PPP2R2B: variants seen among roughly 807,000 people sequenced by gnomAD.
PPP2R2B encodes protein phosphatase 2 regulatory subunit Bbeta, also known as serine/threonine-protein phosphatase 2A 55 kDa regulatory subunit B beta isoform.
PPP2R2B carries 5 observed loss-of-function variants against 46.0 expected under a neutral mutation model. The observed-to-expected ratio is 0.11, with a 90% CI of 0.06 to 0.23. The LOEUF (loss-of-function observed/expected upper bound fraction) is 0.23, where lower values mean the gene tolerates loss of function less well. Among genes scored for constraint, PPP2R2B ranks in the 10% least tolerant of loss-of-function variants. The pLI is 1.00. For missense variants in PPP2R2B, 367 were observed against 575.0 expected, an observed-to-expected ratio of 0.64 and a Z score of 3.70; for synonymous variants, 215 against 206.7, an observed-to-expected ratio of 1.04 and a Z score of -0.34.
chr5:147,052,768 A>T (rs939794289), intron 1 of PPP2R2B, among the ~76,000 whole-genome samples: 1 of 152,100 alleles, frequency 6.6e-6, no homozygotes, highest in Non-Finnish European at 1.5e-5. Context: ...GAGGTTTTAA[A>T]TGTGAGTGTT....
intron 2 of PPP2R2B, among the ~76,000 whole-genome samples, chr5:146,776,592 A>C (rs1258845657): frequency 1.3e-5 from 2 of 152,140 alleles, no homozygotes; most frequent in Non-Finnish European, 2.9e-5. Context: ...CAGACTTGGC[A>C]ATAGTTTTAA....
In PPP2R2B at chr5:146,956,232, T is replaced by C. The variant is rs576026983; in HGVS notation, c.79+99433A>G. ...CAATTTTCTCCCATCAAATTTCCATTCAATTTTTTTCATATTAATTATTAC... is the reference window on the plus strand; with the variant it reads ...CAATTTTCTCCCATCAAATTTCCATCCAATTTTTTTCATATTAATTATTAC... On this transcript the variant is annotated intron_variant, in intron 1 of 8. Transcript: ENST00000336640. Among the ~76,000 whole-genome samples, 287 of 100,530 alleles carry C rather than the reference T, an allele frequency of 2.9e-3. 1 individual carries two copies. Among genetic ancestry groups the C allele is most frequent in the Non-Finnish European group, 2.0e-3 (76 of 38,672 alleles). The allele number at this position is 100,530 out of a possible 152,430, so 66.0% of individuals were successfully genotyped here.
chr5:146,798,704 A>G (rs1756686223), intron 2 of PPP2R2B, among the ~76,000 whole-genome samples: 1 of 152,254 alleles, frequency 6.6e-6, no homozygotes, highest in Non-Finnish European at 1.5e-5. Context: ...CTCTAGGCAC[A>G]TAGCGAGATG....
rs536765236 is a variant in PPP2R2B, at chr5:146,684,634, A to G, written c.447+6494T>C. ...TTGGGAGCATCAAATGAGATGCCCA[A>G]CATGAAAGCCCATCTACCCTCCAGA... On this transcript the variant is annotated intron_variant, in intron 5 of 9. Coordinates refer to ENST00000394411, the MANE Select transcript of PPP2R2B (RefSeq NM_181675.4). Among the ~76,000 whole-genome samples the G allele has an allele frequency of 5.9e-5, 9 of 152,334 alleles. No homozygotes were observed. In the East Asian group the frequency reaches 1.5e-3, roughly 26 times the overall value.
At chr5:146,799,534 T>C (rs1488564386) in intron 2 of PPP2R2B, among the ~76,000 whole-genome samples, 1 of 152,146 alleles carries the variant, frequency 6.6e-6, no homozygotes, top group East Asian at 1.9e-4. Context: ...ATGGTGCCAA[T>C]CTAGCCTGAG....
At chr5:146,664,517 G>GT (rs577235555) in intron 5 of PPP2R2B, among the ~76,000 whole-genome samples, 3,973 of 144,570 alleles carry the variant, frequency 0.027, 103 homozygotes, top group African/African-American at 0.062. Context: ...TTTAGTTCTA[G>GT]TTTTTTTTTT....
chr5:146,674,624 T>C (rs1016691648), intron 5 of PPP2R2B, among the ~76,000 whole-genome samples: 3 of 152,208 alleles, frequency 2.0e-5, no homozygotes, highest in African/African-American at 4.8e-5. Context: ...ATTTTGAGAA[T>C]ATGCTTCCCT....
intron 5 of PPP2R2B, among the ~76,000 whole-genome samples, chr5:146,652,435 C>T (rs1285691282): frequency 6.6e-6 from 1 of 152,112 alleles, no homozygotes; most frequent in Non-Finnish European, 1.5e-5. Context: ...GCATCATATA[C>T]CTGTTCTTGT....
intron 5 of PPP2R2B, chr5:146,656,479 G>A (rs1040612968): frequency 5.3e-5 from 8 of 152,050 alleles, no homozygotes; most frequent in African/African-American, 1.2e-4. Flanking sequence ...TGATCAATAC[G>A]GGAGTTTTCA....
At chr5:146,856,159 A>G (rs1380014) in intron 2 of PPP2R2B, among the ~76,000 whole-genome samples, 82,277 of 152,016 alleles carry the variant, frequency 0.54, 26,134 homozygotes, top group African/African-American at 0.88. Context: ...TAGCTTATTC[A>G]ACAAACCTAA....
intron 2 of PPP2R2B, among the ~76,000 whole-genome samples, chr5:146,776,442 C>A (rs1236727707): frequency 6.6e-6 from 1 of 152,010 alleles, no homozygotes; most frequent in Non-Finnish European, 1.5e-5. Context: ...AAAAACCAGA[C>A]ATCCACATTC....
At chr5:146,677,657 A>T (rs679822) in intron 5 of PPP2R2B, among the ~76,000 whole-genome samples, 3,294 of 151,546 alleles carry the variant, frequency 0.022, 109 homozygotes, top group African/African-American at 0.076. Flanking sequence ...CCTCTCAAGT[A>T]GTTGGGACTG....
At chr5:146,758,537 G>A (rs567566315) in intron 2 of PPP2R2B, among the ~76,000 whole-genome samples, 8 of 151,904 alleles carry the variant, frequency 5.3e-5, no homozygotes, top group African/African-American at 7.3e-5. Context: ...ATATTTTCAC[G>A]AGCTATATTT....
At chr5:146,789,350 A>C (rs1756045621) in intron 2 of PPP2R2B, among the ~76,000 whole-genome samples, 1 of 152,228 alleles carries the variant, frequency 6.6e-6, no homozygotes, top group Non-Finnish European at 1.5e-5. Context: ...CATGTTCACT[A>C]TCATCAATGA....
intron 7 of PPP2R2B, among the ~76,000 whole-genome samples, chr5:146,627,557 T>C (rs536573088): frequency 6.6e-6 from 1 of 152,318 alleles, no homozygotes; most frequent in Non-Finnish European, 1.5e-5. Context: ...TTGTATAAAA[T>C]GGACTCTTGT....
At chr5:147,004,973 G>C (rs755235035) in intron 1 of PPP2R2B, among the ~76,000 whole-genome samples, 1 of 152,154 alleles carries the variant, frequency 6.6e-6, no homozygotes, top group Non-Finnish European at 1.5e-5. Flanking sequence ...GGATCTTACT[G>C]TCTGGACTAC....
chr5:146,753,590 A>G lies in PPP2R2B; in HGVS notation c.71-52448T>C, dbSNP rs116124001. ...ACAGGGAGGGAGATTCTTGCCAGCC[A>G]AGGACACTTGGCAGCTTGAATGTAA... is the stretch of plus-strand genomic sequence containing the variant. On this transcript the variant is annotated intron_variant, in intron 2 of 9. Coordinates refer to ENST00000394411, the MANE Select transcript of PPP2R2B (RefSeq NM_181675.4). Among the ~76,000 whole-genome samples, 434 of 152,252 alleles carry G rather than the reference A, an allele frequency of 2.9e-3. 1 individual carries two copies. Among genetic ancestry groups the G allele is most frequent in the African/African-American group, 0.01 (419 of 41,546 alleles).
intron 1 of PPP2R2B, among the ~76,000 whole-genome samples, chr5:146,943,338 A>G (rs1001832766): frequency 6.6e-6 from 1 of 152,170 alleles, no homozygotes; most frequent in African/African-American, 2.4e-5. Context: ...CCTTGTACTA[A>G]TTCACAGAAA....
chr5:146,868,121 C>A (rs1004285120), intron 2 of PPP2R2B, among the ~76,000 whole-genome samples: 1 of 152,382 alleles, frequency 6.6e-6, no homozygotes, highest in Non-Finnish European at 1.5e-5. Context: ...CCACCAGCCA[C>A]CTTTGCTGAG....
Sources: allele counts gnomAD v4.1 joint callset (sites outside exome capture counted in the v4.1 genomes callset), GRCh38; gene constraint gnomAD v4.1.1; transcripts MANE v1.5; gene names NCBI Gene and HGNC (gene_info 2026-07-23, HGNC 2026-07-21).